SLC7A6: variants seen among roughly 807,000 people sequenced by gnomAD.
SLC7A6 encodes the protein Y+L amino acid transporter 2.
SLC7A6 carries 29 observed loss-of-function variants against 46.6 expected under a neutral mutation model. That is an observed-to-expected ratio of 0.62 (90% CI 0.46 to 0.85). The LOEUF (loss-of-function observed/expected upper bound fraction) is 0.85. Ranked by LOEUF, SLC7A6 falls within the 40% of genes least tolerant of loss-of-function variation. The pLI, the probability that SLC7A6 is intolerant of heterozygous loss-of-function variation, is 0.00. For synonymous variants in SLC7A6, 276 were observed against 257.3 expected (o/e 1.07, Z -0.70); for missense variants, 527 against 647.6 (o/e 0.81, Z 2.02).
At chr16:68,287,364 G>C (rs1567590865) in intron 3 of SLC7A6, 13 of 1,293,144 alleles carry the variant, frequency 1.0e-5, no homozygotes, top group African/African-American at 1.5e-5. Flanking sequence ...ACTTACTGAT[G>C]AGTTTCTTTT....
chr16:68,280,409 CTT>C (rs1343217346), intron 3 of SLC7A6, among the ~76,000 whole-genome samples: 5 of 152,164 alleles, frequency 3.3e-5, no homozygotes, highest in African/African-American at 9.7e-5. Context: ...GTGAGCCAGA[CTT>C]GGGCCCCAGA....
chr16:68,266,853 TTAAA>T (rs765394920), intron 2 of SLC7A6, 132 bp downstream of exon 2: 73 of 152,148 alleles, frequency 4.8e-4, no homozygotes, highest in Admixed American at 3.1e-3. Flanking sequence ...GTATTACATA[TTAAA>T]TAACACTGTA....
At chr16:68,275,720 G>C (rs1050362237) in intron 3 of SLC7A6, among the ~76,000 whole-genome samples, 13 of 151,986 alleles carry the variant, frequency 8.6e-5, no homozygotes, top group Non-Finnish European at 1.8e-4. Context: ...TGAGAGATAA[G>C]TAAGCATAAA....
At chr16:68,291,440 T>C in intron 6 of SLC7A6, 108 bp downstream of exon 6, 5 of 1,576,670 alleles carry the variant, frequency 3.2e-6, no homozygotes, top group Non-Finnish European at 4.3e-6. Context: ...GATGAGGTCA[T>C]GAGTCTAGGC....
chr16:68,280,310 G>A (rs1359211696), intron 3 of SLC7A6, among the ~76,000 whole-genome samples: 5 of 152,184 alleles, frequency 3.3e-5, no homozygotes, highest in Non-Finnish European at 5.9e-5. Context: ...TTATAGCCAC[G>A]CCATTCTAGA....
intron 2 of SLC7A6, among the ~76,000 whole-genome samples, chr16:68,271,182 G>A (rs893362918): frequency 1.3e-5 from 2 of 151,628 alleles, no homozygotes; most frequent in Admixed American, 6.6e-5. Flanking sequence ...TTATAGAGAC[G>A]GAACCTCCCT....
At chr16:68,282,111 C>G (rs9889074) in intron 3 of SLC7A6, among the ~76,000 whole-genome samples, 3,090 of 152,284 alleles carry the variant, frequency 0.02, 122 homozygotes, top group African/African-American at 0.071. Flanking sequence ...AGAAAAGATA[C>G]GCTCCTCATT....
intron 2 of SLC7A6, among the ~76,000 whole-genome samples, chr16:68,269,684 G>A (rs2042591640): frequency 6.6e-6 from 1 of 151,824 alleles, no homozygotes; most frequent in Non-Finnish European, 1.5e-5. Flanking sequence ...AACCCAGGAG[G>A]TGGAGGTTAC....
At chr16:68,288,761 C>T (rs1280716498) in intron 4 of SLC7A6, among the ~76,000 whole-genome samples, 3 of 151,616 alleles carry the variant, frequency 2.0e-5, no homozygotes, top group Non-Finnish European at 2.9e-5. Context: ...GTCAGGAATT[C>T]GAGACCAGCC....
At position 68,296,729 on chromosome 16, in the gene SLC7A6, G is replaced by C. The variant is rs763116670; in HGVS notation, c.1372G>C (p.Ala458Pro). 2 of 1,614,068 alleles carry C rather than the reference G, an allele frequency of 1.2e-6. No individual in the cohort carries two copies. The highest frequency in any genetic ancestry group is 8.5e-7 in the Non-Finnish European group (1 of 1,180,038). ...TINSLIGIGI[A>P]LSGVPFYFMG... Reference sequence around the variant, plus strand: ...TAATTCCCTCATTGGCATCGGGATTGCCCTTTCTGGAGTCCCTTTCTACTT... The same window carrying C: ...TAATTCCCTCATTGGCATCGGGATTCCCCTTTCTGGAGTCCCTTTCTACTT... The change falls in exon 10 of 11, where the codon GCC becomes CCC. Residue 458 changes from alanine to proline, a missense_variant. Ala to Pro is a conservative substitution (Grantham distance 27, BLOSUM62 -1). Transcript: ENST00000219343.
chr16:68,296,661 G>T lies in SLC7A6; in HGVS notation c.1304G>T (p.Cys435Phe). ...SVFFPIVFCI[C>F]SVFLVIVPLF... Reference sequence around the variant, plus strand: ...TTTTTCCCCATCGTGTTCTGCATATGCTCCGTGTTTCTGGTGATAGTGCCC... The same window carrying T: ...TTTTTCCCCATCGTGTTCTGCATATTCTCCGTGTTTCTGGTGATAGTGCCC... Residue 435 changes from cysteine (C) to phenylalanine (F), a missense_variant, in exon 10 of 11, where the codon TGC (cysteine) becomes TTC (phenylalanine). By Grantham distance (205) the Cys-to-Phe change is radical (BLOSUM62 -2). Transcript: ENST00000219343. 1 of 1,614,160 alleles carries T rather than the reference G, an allele frequency of 6.2e-7. No homozygotes were observed.
At chr16:68,297,149 C>T in intron 10 of SLC7A6, 85 bp from the exon 11 acceptor site, 2 of 1,285,054 alleles carry the variant, frequency 1.6e-6, no homozygotes, top group Non-Finnish European at 1.1e-6. Flanking sequence ...GCGAGGGAGC[C>T]ATAGATGTTA....
rs2043024268 is a variant in SLC7A6, at chr16:68,290,395, G to A, written c.650-1G>A. 1 of 1,613,784 alleles carries A rather than the reference G, an allele frequency of 6.2e-7. No individual in the cohort carries two copies. Among genetic ancestry groups the A allele is most frequent in the Middle Eastern group, 1.7e-4 (1 of 6,008 alleles). Reference sequence around the variant, plus strand: ...CCCCTCACCTGCCTTTGCCCCCACAGGACACTCTGAGCACTTTCAGGACGC... The same window carrying A: ...CCCCTCACCTGCCTTTGCCCCCACAAGACACTCTGAGCACTTTCAGGACGC... On this transcript the variant is annotated splice_acceptor_variant, in intron 4 of 10. Transcript: ENST00000219343. LOFTEE classifies it high-confidence loss of function.
intron 2 of SLC7A6, among the ~76,000 whole-genome samples, chr16:68,272,482 C>G (rs2151215392): frequency 6.6e-6 from 1 of 152,256 alleles, no homozygotes; most frequent in South Asian, 2.1e-4. Context: ...TATCTGCCTT[C>G]AGTTTTGTGT....
At chr16:68,269,631 G>A (rs147657725) in intron 2 of SLC7A6, among the ~76,000 whole-genome samples, 3 of 152,106 alleles carry the variant, frequency 2.0e-5, no homozygotes, top group Admixed American at 6.6e-5. Flanking sequence ...GTGCACACCT[G>A]TAGTCCCAGC....
intron 3 of SLC7A6, chr16:68,284,833 T>G (rs1260676749): frequency 8.6e-5 from 13 of 150,896 alleles, no homozygotes; most frequent in African/African-American, 3.2e-4. Flanking sequence ...CTCTCACCCC[T>G]CTGTCTCTTC....
chr16:68,294,786 T>C lies in SLC7A6; in HGVS notation c.1104T>C (p.Pro368=). The change falls in exon 8 of 11, where the codon CCT becomes CCC. Residue 368 remains proline (P), a synonymous_variant. Coordinates refer to ENST00000219343, the MANE Select transcript of SLC7A6 (RefSeq NM_003983.6). Reference sequence around the variant, plus strand: ...ACATTGAGCGTTTTACACCTATCCCTGCTTTACTGTTCAATGTAAGCTTTG... The same window carrying C: ...ACATTGAGCGTTTTACACCTATCCCCGCTTTACTGTTCAATGTAAGCTTTG... ...MIHIERFTPI[P]ALLFNCTMAL... is the part of the protein sequence containing the mutation. 1.2e-6 allele frequency: 2 copies of C among 1,613,412 alleles called. No homozygotes were observed. The highest frequency in any genetic ancestry group is 1.1e-5 in the South Asian group (1 of 91,066).
chr16:68,300,780 C>G lies in SLC7A6; in HGVS notation c.*3452C>G, dbSNP rs2043256271. 3 of 985,436 alleles carry G rather than the reference C, an allele frequency of 3.0e-6. No homozygotes were observed. Among genetic ancestry groups the G allele is most frequent in the Non-Finnish European group, 3.6e-6 (3 of 830,050 alleles). 61.0% of individuals were successfully genotyped at this position (985,436 alleles called of 1,614,324 possible). ...AATCTCCCACTGCTCAGACTACTTT[C>G]TGCCCTAATGGCCATTACTATCCAG... On this transcript the variant is annotated 3_prime_UTR_variant, in exon 11 of 11. Coordinates refer to ENST00000219343, the MANE Select transcript of SLC7A6 (RefSeq NM_003983.6).
In SLC7A6 at chr16:68,300,881, G is replaced by A; in HGVS notation, c.*3553G>A. ...AGGAACAGGGTTTTCCTAGAGGCAGGCAGCCTGGTGGTATGGCACAGCAGA... is the reference window on the plus strand; with the variant it reads ...AGGAACAGGGTTTTCCTAGAGGCAGACAGCCTGGTGGTATGGCACAGCAGA... On this transcript the variant is annotated 3_prime_UTR_variant, in exon 11 of 11. Transcript: ENST00000219343. The A allele has an allele frequency of 1.0e-6, 1 of 990,282 alleles. No homozygotes were observed. Among genetic ancestry groups the A allele is most frequent in the Non-Finnish European group, 1.2e-6 (1 of 833,296 alleles). 61.3% of individuals were successfully genotyped at this position (990,282 alleles called of 1,614,324 possible).
Sources: gnomAD v4.1 joint callset for allele counts (sites outside exome capture counted in the v4.1 genomes callset) on GRCh38, gnomAD v4.1.1 for gene constraint, MANE v1.5 for transcripts, NCBI Gene and HGNC (gene_info 2026-07-23, HGNC 2026-07-21) for gene names.